ATP8A1: variants seen among roughly 807,000 people sequenced by gnomAD.
The protein encoded by ATP8A1 is phospholipid-transporting ATPase IA.
A neutral mutation model predicts 177.7 loss-of-function variants in ATP8A1; 90 were observed. The observed-to-expected ratio is 0.51, with a 90% CI of 0.43 to 0.60. The LOEUF (loss-of-function observed/expected upper bound fraction) is 0.60, where lower values mean the gene tolerates loss of function less well. Ranked by LOEUF, ATP8A1 falls within the 20% of genes least tolerant of loss-of-function variation. The pLI is 0.00. For synonymous variants in ATP8A1, 493 were observed against 485.9 expected (o/e 1.01, Z -0.19); for missense variants, 1,072 against 1,392.8 (o/e 0.77, Z 3.67).
rs1715425256 is a variant in ATP8A1 at position 42,432,528 on chromosome 4, G to C, written c.3124-8823C>G. Among the ~76,000 whole-genome samples the C allele has an allele frequency of 6.6e-5, 10 of 152,288 alleles. 1 individual carries two copies. In the South Asian group the frequency reaches 2.1e-3, roughly 32 times the overall value. ...AAATACCATGGTGGGACACTGCAGA[G>C]GTCATAAAGTTGTTGGACTCTTTCT... is the stretch of plus-strand genomic sequence containing the variant. On this transcript the variant is annotated intron_variant, in intron 33 of 36. Coordinates refer to ENST00000381668, the MANE Select transcript of ATP8A1 (RefSeq NM_006095.2).
chr4:42,558,896 C>T (rs983893312), intron 15 of ATP8A1, among the ~76,000 whole-genome samples: 14 of 152,116 alleles, frequency 9.2e-5, no homozygotes, highest in African/African-American at 3.1e-4. Flanking sequence ...GGCAACAGGC[C>T]GGGTGCAGTA....
At chr4:42,622,745 C>T (rs1288890202) in intron 4 of ATP8A1, among the ~76,000 whole-genome samples, 2 of 152,234 alleles carry the variant, frequency 1.3e-5, no homozygotes, top group Middle Eastern at 3.4e-3. Context: ...TGCAGTGGCT[C>T]ACGCCTGTAA....
intron 33 of ATP8A1, among the ~76,000 whole-genome samples, chr4:42,425,859 A>G (rs1714553145): frequency 2.0e-5 from 3 of 151,934 alleles, no homozygotes; most frequent in African/African-American, 4.8e-5. Flanking sequence ...AGGCACTGTG[A>G]AACCAAATGG....
At chr4:42,515,083 G>A (rs867865700) in intron 22 of ATP8A1, among the ~76,000 whole-genome samples, 11 of 152,300 alleles carry the variant, frequency 7.2e-5, no homozygotes, top group Non-Finnish European at 1.5e-4. Context: ...AATGGATCAC[G>A]TTGTGTCTCA....
chr4:42,412,895 C>T lies in ATP8A1; in HGVS notation c.*21G>A, dbSNP rs1474087457. The T allele has an allele frequency of 1.2e-6, 2 of 1,609,274 alleles. No individual in the cohort carries two copies. Among genetic ancestry groups the T allele is most frequent in the South Asian group, 2.2e-5 (2 of 90,936 alleles). ...GCTCTCCTTAGAGAGGTAACAGAGCCTGCCTTTCAGGCTCTCCCCATCACC... is the reference window on the plus strand; with the variant it reads ...GCTCTCCTTAGAGAGGTAACAGAGCTTGCCTTTCAGGCTCTCCCCATCACC... On this transcript the variant is annotated 3_prime_UTR_variant, in exon 37 of 37. Transcript: ENST00000381668.
chr4:42,553,340 G>C (rs189813948), intron 16 of ATP8A1, among the ~76,000 whole-genome samples: 35 of 152,156 alleles, frequency 2.3e-4, no homozygotes, highest in African/African-American at 7.2e-4. Flanking sequence ...TTTGCGTTGG[G>C]GTGATAATGA....
chr4:42,472,687 T>C (rs1241112554), intron 25 of ATP8A1, among the ~76,000 whole-genome samples: 4 of 148,540 alleles, frequency 2.7e-5, no homozygotes, highest in Non-Finnish European at 4.4e-5. Context: ...GAGGTTGCAG[T>C]TGCAGTGAGC....
chr4:42,483,244 C>G (rs1001791127), intron 25 of ATP8A1, among the ~76,000 whole-genome samples: 9 of 152,150 alleles, frequency 5.9e-5, no homozygotes, highest in African/African-American at 1.9e-4. Flanking sequence ...ATAAATCCGG[C>G]AGTGGCACTG....
intron 5 of ATP8A1, among the ~76,000 whole-genome samples, chr4:42,603,519 T>C (rs543766375): frequency 6.6e-6 from 1 of 152,202 alleles, no homozygotes; most frequent in Non-Finnish European, 1.5e-5. Context: ...AATTTCTCTT[T>C]GTGAACAATG....
At chr4:42,529,339 G>T (rs1285170804) in intron 20 of ATP8A1, among the ~76,000 whole-genome samples, 1 of 152,196 alleles carries the variant, frequency 6.6e-6, no homozygotes, top group African/African-American at 2.4e-5. Flanking sequence ...TTGAGAGACA[G>T]CTCTTGGCTT....
intron 1 of ATP8A1, among the ~76,000 whole-genome samples, chr4:42,631,867 G>A (rs966212619): frequency 3.3e-5 from 5 of 152,112 alleles, no homozygotes; most frequent in African/African-American, 4.8e-5. Context: ...TACTCAATTC[G>A]CAAATTTCCA....
At chr4:42,509,642 C>T (rs753644757) in intron 22 of ATP8A1, among the ~76,000 whole-genome samples, 8 of 152,034 alleles carry the variant, frequency 5.3e-5, no homozygotes, top group African/African-American at 7.2e-5. Context: ...GGGTGGATCA[C>T]GAGATCGAGA....
At chr4:42,439,785 C>T (rs775609191) in intron 33 of ATP8A1, among the ~76,000 whole-genome samples, 1 of 152,166 alleles carries the variant, frequency 6.6e-6, no homozygotes, top group Non-Finnish European at 1.5e-5. Context: ...GAAATACCTG[C>T]GAGGACTGAG....
chr4:42,503,809 T>A (rs1273511582), intron 23 of ATP8A1, among the ~76,000 whole-genome samples: 2 of 152,170 alleles, frequency 1.3e-5, no homozygotes, highest in Non-Finnish European at 2.9e-5. Context: ...CACTTCATGA[T>A]AACCAACATG....
chr4:42,486,118 A>G (rs1050565588), intron 24 of ATP8A1, among the ~76,000 whole-genome samples: 3 of 152,202 alleles, frequency 2.0e-5, no homozygotes, highest in Non-Finnish European at 4.4e-5. Context: ...CAAAGGAGAC[A>G]GGGTCATTTA....
intron 1 of ATP8A1, among the ~76,000 whole-genome samples, chr4:42,640,996 C>A: frequency 7.3e-6 from 1 of 137,910 alleles, no homozygotes; most frequent in African/African-American, 2.9e-5. Context: ...CGTACAGAGA[C>A]TTCCCCCTCA....
intron 24 of ATP8A1, among the ~76,000 whole-genome samples, chr4:42,494,468 C>A (rs544313493): frequency 1.3e-5 from 2 of 152,296 alleles, no homozygotes; most frequent in Non-Finnish European, 2.9e-5. Flanking sequence ...GAGTGAGACT[C>A]CATCTCATGT....
In ATP8A1 at chr4:42,409,214, C is replaced by CT. The variant is rs1401865977; in HGVS notation, c.*3701_*3702insA. On this transcript the variant is annotated 3_prime_UTR_variant, in exon 37 of 37. Transcript: ENST00000381668. ...ACTTTAAATATGAACTCATGCAAAC[C>CT]ATAAACCTATCAAAAACACAGCTGT... The CT allele has an allele frequency of 5.9e-5, 9 of 152,082 alleles. No homozygotes were observed. The highest frequency in any genetic ancestry group is 2.2e-4 in the African/African-American group (9 of 41,432). 9.4% of individuals were successfully genotyped at this position (152,082 alleles called of 1,614,324 possible).
intron 19 of ATP8A1, among the ~76,000 whole-genome samples, chr4:42,548,165 A>G (rs577852940): frequency 6.6e-6 from 1 of 152,228 alleles, no homozygotes; most frequent in Non-Finnish European, 1.5e-5. Flanking sequence ...CTTTCCTAAC[A>G]GATGGTAACT....
Sources: gnomAD v4.1 joint callset for allele counts (sites outside exome capture counted in the v4.1 genomes callset) on GRCh38, gnomAD v4.1.1 for gene constraint, MANE v1.5 for transcripts, NCBI Gene and HGNC (gene_info 2026-07-23, HGNC 2026-07-21) for gene names.